Variants in PSPC1 observed in about 807,000 individuals in gnomAD.
PSPC1 encodes the protein paraspeckle protein 1.
Under a neutral mutation model 51.6 loss-of-function variants are expected in PSPC1, and 14 were observed. That is an observed-to-expected ratio of 0.27 (90% confidence interval 0.18 to 0.42). The LOEUF is 0.42. Ranked by LOEUF, PSPC1 falls within the 10% of genes least tolerant of loss-of-function variation. The pLI is 1.00. For synonymous variants in PSPC1, 193 were observed against 231.9 expected (o/e 0.83, Z 1.53); for missense variants, 406 against 701.1 (o/e 0.58, Z 4.75).
At chr13:19,749,031 G>A (rs1250805400) in intron 4 of PSPC1, among the ~76,000 whole-genome samples, 2 of 151,412 alleles carry the variant, frequency 1.3e-5, no homozygotes, top group Non-Finnish European at 2.9e-5. Context: ...CCAACATGGA[G>A]AAATCCCATC....
chr13:19,745,281 C>A (rs954428805), intron 4 of PSPC1, among the ~76,000 whole-genome samples: 1 of 152,086 alleles, frequency 6.6e-6, no homozygotes, highest in East Asian at 1.9e-4. Flanking sequence ...ATTATGCCAA[C>A]GCAGTCCAGC....
At chr13:19,749,632 T>C (rs1247476233) in intron 4 of PSPC1, among the ~76,000 whole-genome samples, 3 of 117,014 alleles carry the variant, frequency 2.6e-5, no homozygotes, top group African/African-American at 8.7e-5. Context: ...TAAAAGACAG[T>C]TTATCTTTTT....
intron 6 of PSPC1, among the ~76,000 whole-genome samples, chr13:19,684,772 A>C (rs1877667390): frequency 6.6e-6 from 1 of 152,326 alleles, no homozygotes; most frequent in African/African-American, 2.4e-5. Context: ...CTGATGACCA[A>C]CCTCAGTCAG....
chr13:19,781,832 T>C (rs1890001591), intron 1 of PSPC1, among the ~76,000 whole-genome samples: 1 of 152,162 alleles, frequency 6.6e-6, no homozygotes, highest in Non-Finnish European at 1.5e-5. Flanking sequence ...CTTAAACGCA[T>C]ATAGGTGTGG....
intron 6 of PSPC1, among the ~76,000 whole-genome samples, chr13:19,695,936 C>T (rs1219672840): frequency 6.6e-6 from 1 of 151,960 alleles, no homozygotes; most frequent in Non-Finnish European, 1.5e-5. Flanking sequence ...CATTAGGCTG[C>T]CTGAGAATTC....
At chr13:19,723,119 A>G (rs1882972102) in intron 6 of PSPC1, among the ~76,000 whole-genome samples, 1 of 152,164 alleles carries the variant, frequency 6.6e-6, no homozygotes, top group Admixed American at 6.5e-5. Context: ...CTTAAAACCA[A>G]TTTTTAATTT....
At chr13:19,679,865 A>AAC (rs1389503909) in intron 6 of PSPC1, among the ~76,000 whole-genome samples, 15 of 152,200 alleles carry the variant, frequency 9.9e-5, no homozygotes, top group Non-Finnish European at 1.9e-4. Context: ...ATCCTTCTCA[A>AAC]TAACATCAGG....
At chr13:19,739,509 A>G (rs1307547448) in intron 5 of PSPC1, among the ~76,000 whole-genome samples, 1 of 152,120 alleles carries the variant, frequency 6.6e-6, no homozygotes, top group Non-Finnish European at 1.5e-5. Context: ...GCACTTTGGG[A>G]GGCCGAGGCA....
At chr13:19,713,180 A>G (rs551694319) in intron 6 of PSPC1, among the ~76,000 whole-genome samples, 15 of 152,346 alleles carry the variant, frequency 9.8e-5, no homozygotes, top group African/African-American at 3.6e-4. Context: ...CGTATACGTG[A>G]TATTTTTACA....
chr13:19,684,048 A>G (rs1877578110), intron 6 of PSPC1, among the ~76,000 whole-genome samples: 1 of 152,206 alleles, frequency 6.6e-6, no homozygotes. Flanking sequence ...TGGATCTTAG[A>G]ATATCTGTCT....
chr13:19,695,364 T>C (rs1055415168), intron 6 of PSPC1, among the ~76,000 whole-genome samples: 1 of 152,200 alleles, frequency 6.6e-6, no homozygotes, highest in African/African-American at 2.4e-5. Flanking sequence ...TAAACACACT[T>C]TTCTACATTG....
At chr13:19,697,525 T>C (rs142810971), downstream of PSPC1, among the ~76,000 whole-genome samples, 1 of 152,242 alleles carries the variant, frequency 6.6e-6, no homozygotes, top group Admixed American at 6.5e-5. Flanking sequence ...CTAAGAAAAG[T>C]TTTTGTAGAC....
intron 6 of PSPC1, among the ~76,000 whole-genome samples, chr13:19,725,963 T>G (rs2137890229): frequency 6.6e-6 from 1 of 152,146 alleles, no homozygotes. Context: ...AAGACCAGCC[T>G]GGGTAACACA....
At chr13:19,699,173 A>G (rs911519900), downstream of PSPC1, among the ~76,000 whole-genome samples, 1 of 151,956 alleles carries the variant, frequency 6.6e-6, no homozygotes, top group African/African-American at 2.4e-5. Context: ...CACAACACAT[A>G]GAAGACACTA....
intron 5 of PSPC1, among the ~76,000 whole-genome samples, chr13:19,736,115 C>T (rs747366051): frequency 2.0e-4 from 30 of 151,868 alleles, no homozygotes; most frequent in Non-Finnish European, 1.8e-4. Flanking sequence ...CCACCGCGCC[C>T]GGCCAAAAAC....
chr13:19,730,410 CATGTAAAAT>C lies in PSPC1; in HGVS notation c.1053-75_1053-67del, dbSNP rs1883906877. ...TGGGCTGCCATTGGACATTTTACTT[CATGTAAAAT>C]GAAATCATTTATGCAATCATATTAT... is the stretch of plus-strand genomic sequence containing the variant. On this transcript the variant is annotated intron_variant, in intron 5 of 8. Transcript: ENST00000338910. 3 of 1,374,008 alleles carry C rather than the reference CATGTAAAAT, an allele frequency of 2.2e-6. No homozygotes were observed. The South Asian group carries it at 3.5e-5, about 16-fold the overall frequency. The allele number at this position is 1,374,008 out of a possible 1,614,324, so 85.1% of individuals were successfully genotyped here.
chr13:19,746,848 G>A (rs1886048203), intron 4 of PSPC1, among the ~76,000 whole-genome samples: 1 of 152,142 alleles, frequency 6.6e-6, no homozygotes, highest in African/African-American at 2.4e-5. Flanking sequence ...GGTGGCTCAC[G>A]CCTGTAACCC....
intron 1 of PSPC1, among the ~76,000 whole-genome samples, chr13:19,780,658 G>A (rs867960442): frequency 7.5e-6 from 1 of 132,836 alleles, no homozygotes; most frequent in Non-Finnish European, 1.6e-5. Context: ...CAAGTAATCA[G>A]GGACACAAAC....
chr13:19,746,507 T>G (rs951482744), intron 4 of PSPC1, among the ~76,000 whole-genome samples: 1 of 151,936 alleles, frequency 6.6e-6, no homozygotes, highest in South Asian at 2.1e-4. Flanking sequence ...GGCAGATCAC[T>G]TGAGGCCAGG....
Sources: allele counts gnomAD v4.1 joint callset (sites outside exome capture counted in the v4.1 genomes callset), GRCh38; gene constraint gnomAD v4.1.1; transcripts MANE v1.5; gene names NCBI Gene and HGNC (gene_info 2026-07-23, HGNC 2026-07-21).